The following RBFOX1 variants were observed in gnomAD, a reference collection of about 807,000 sequenced individuals.
The protein encoded by RBFOX1 is RNA binding protein fox-1 homolog 1.
Under a neutral mutation model 57.7 loss-of-function variants are expected in RBFOX1, and 8 were observed. The ratio of observed to expected loss-of-function variants is 0.14; its 90% CI spans 0.08 to 0.25. The LOEUF is 0.25. RBFOX1 is among the 10% of genes least tolerant of loss of function. The pLI, the probability that RBFOX1 is intolerant of heterozygous loss-of-function variation, is 1.00. For missense variants in RBFOX1, 611 were observed against 548.5 expected, an observed-to-expected ratio of 1.11 and a Z score of -1.14; for synonymous variants, 326 against 222.4, an observed-to-expected ratio of 1.47 and a Z score of -4.15.
At position 7,693,462 on chromosome 16, in the gene RBFOX1, C is replaced by A. The variant is rs1347137949; in HGVS notation, c.996-15594C>A. Reference sequence around the variant, plus strand: ...TCTTCACATGCTGCAGTTGGTCACTCTAGAAAGTTTAGTTAAGAAAAAAAA... The same window carrying A: ...TCTTCACATGCTGCAGTTGGTCACTATAGAAAGTTTAGTTAAGAAAAAAAA... On this transcript the variant is annotated intron_variant, in intron 14 of 15. Coordinates refer to ENST00000550418, the MANE Select transcript of RBFOX1 (RefSeq NM_018723.4). The A allele has an allele frequency of 1.7e-4, 153 of 912,802 alleles. No homozygotes were observed. The East Asian group carries it at 3.8e-3, about 23-fold the overall frequency. The allele number at this position is 912,802 out of a possible 1,614,324, so 56.5% of individuals were successfully genotyped here.
chr16:7,685,374 C>A (rs2075844094), intron 14 of RBFOX1, among the ~76,000 whole-genome samples: 1 of 152,124 alleles, frequency 6.6e-6, no homozygotes. Context: ...CCCAGGGCCA[C>A]AATTAATTCT....
chr16:6,974,108 C>A (rs1024766047), intron 3 of RBFOX1, among the ~76,000 whole-genome samples: 49 of 152,136 alleles, frequency 3.2e-4, no homozygotes, highest in African/African-American at 1.2e-3. Context: ...GACATGATCT[C>A]ATTCCTTTTT....
chr16:6,346,530 T>G (rs2085399285), intron 2 of RBFOX1, among the ~76,000 whole-genome samples: 1 of 152,158 alleles, frequency 6.6e-6, no homozygotes. Flanking sequence ...TCAAGGTGCT[T>G]CCCTACCTCA....
Position 6,217,826 on chromosome 16 carries a change from C to T in RBFOX1, c.-126-99169C>T, listed in dbSNP as rs542952050. 3.3e-5 allele frequency among the ~76,000 whole-genome samples: 5 copies of T among 152,096 alleles called. No homozygotes were observed. In the South Asian group the frequency reaches 6.2e-4, roughly 19 times the overall value. ...GACCAAGGGTTTGAGACCAGCCGGGCGAACATGGCAAAACTCTGTATCTAG... is the reference window on the plus strand; with the variant it reads ...GACCAAGGGTTTGAGACCAGCCGGGTGAACATGGCAAAACTCTGTATCTAG... On this transcript the variant is annotated intron_variant, in intron 1 of 15. Transcript: ENST00000550418.
chr16:7,228,775 C>T (rs1445068938), intron 4 of RBFOX1, among the ~76,000 whole-genome samples: 1 of 152,160 alleles, frequency 6.6e-6, no homozygotes, highest in Non-Finnish European at 1.5e-5. Context: ...CCAAGTTTCC[C>T]ATTATAATTT....
intron 1 of RBFOX1, among the ~76,000 whole-genome samples, chr16:6,313,419 C>T (rs2080631071): frequency 6.6e-6 from 1 of 152,094 alleles, no homozygotes; most frequent in African/African-American, 2.4e-5. Context: ...GCATTCATTG[C>T]CTGGGGAAGT....
intron 3 of RBFOX1, among the ~76,000 whole-genome samples, chr16:6,899,341 C>G (rs187695200): frequency 1.4e-4 from 22 of 152,248 alleles, no homozygotes; most frequent in Admixed American, 9.2e-4. Context: ...ATTCCATTTT[C>G]TATTTAGCAT....
At chr16:6,334,689 T>C (rs1417571192) in intron 2 of RBFOX1, among the ~76,000 whole-genome samples, 1 of 152,178 alleles carries the variant, frequency 6.6e-6, no homozygotes, top group Non-Finnish European at 1.5e-5. Flanking sequence ...TTCTTCTTGC[T>C]TGCCAGTTCT....
At chr16:6,999,884 C>T (rs931349925) in intron 3 of RBFOX1, among the ~76,000 whole-genome samples, 5 of 151,928 alleles carry the variant, frequency 3.3e-5, no homozygotes, top group Admixed American at 1.3e-4. Flanking sequence ...GCAGCCTGAG[C>T]AACATGGTGA....
At chr16:7,279,258 C>G (rs1426049616) in intron 4 of RBFOX1, among the ~76,000 whole-genome samples, 1 of 152,010 alleles carries the variant, frequency 6.6e-6, no homozygotes, top group South Asian at 2.1e-4. Flanking sequence ...CTGTTTATAA[C>G]ATGTCACTTG....
intron 3 of RBFOX1, among the ~76,000 whole-genome samples, chr16:6,991,135 C>CAAA: frequency 1.9e-5 from 1 of 52,484 alleles, no homozygotes; most frequent in Non-Finnish European, 3.4e-5. Context: ...AATTGTCTCT[C>CAAA]CAAAAAAAAA....
At chr16:5,556,972 C>A (rs1301656057) in intron 2 of RBFOX1, among the ~76,000 whole-genome samples, 2 of 152,108 alleles carry the variant, frequency 1.3e-5, no homozygotes, top group Non-Finnish European at 2.9e-5. Flanking sequence ...TTTTAAAATT[C>A]TCTGGGACTG....
At chr16:7,260,224 G>A (rs188794785) in intron 4 of RBFOX1, among the ~76,000 whole-genome samples, 10 of 152,288 alleles carry the variant, frequency 6.6e-5, no homozygotes, top group Non-Finnish European at 1.2e-4. Flanking sequence ...TAAAGTTGTT[G>A]CATATAGAAC....
At chr16:5,497,923 G>T (rs1202416023) in intron 2 of RBFOX1, among the ~76,000 whole-genome samples, 1 of 152,202 alleles carries the variant, frequency 6.6e-6, no homozygotes, top group Admixed American at 6.5e-5. Flanking sequence ...ACGCATAAAA[G>T]ATGAGGAAGA....
chr16:6,789,503 A>T (rs1316297614), intron 3 of RBFOX1, among the ~76,000 whole-genome samples: 2 of 152,196 alleles, frequency 1.3e-5, no homozygotes, highest in African/African-American at 4.8e-5. Context: ...TTTCATTCTC[A>T]GTTATTACCT....
chr16:6,183,866 G>A (rs2097086826), intron 1 of RBFOX1, among the ~76,000 whole-genome samples: 1 of 152,132 alleles, frequency 6.6e-6, no homozygotes, highest in South Asian at 2.1e-4. Flanking sequence ...GTCATAGTAT[G>A]GACCTGGGAT....
chr16:7,359,009 T>G (rs2097269395), intron 4 of RBFOX1, among the ~76,000 whole-genome samples: 1 of 152,190 alleles, frequency 6.6e-6, no homozygotes, highest in South Asian at 2.1e-4. Flanking sequence ...AATCTAAGAT[T>G]AGTTGAGTTC....
intron 3 of RBFOX1, among the ~76,000 whole-genome samples, chr16:6,977,158 TCATATATTATC>T (rs1279410484): frequency 9.7e-5 from 14 of 144,696 alleles, no homozygotes; most frequent in East Asian, 4.0e-4. Context: ...ATCATATATA[TCATATATTATC>T]ATATATAGAT....
intron 4 of RBFOX1, among the ~76,000 whole-genome samples, chr16:7,074,135 C>T (rs1465345928): frequency 6.6e-6 from 1 of 152,076 alleles, no homozygotes; most frequent in Non-Finnish European, 1.5e-5. Flanking sequence ...ATGTTTTGTC[C>T]ACTGATTAGG....
Sources: allele counts gnomAD v4.1 joint callset (sites outside exome capture counted in the v4.1 genomes callset), GRCh38; gene constraint gnomAD v4.1.1; transcripts MANE v1.5; gene names NCBI Gene and HGNC (gene_info 2026-07-23, HGNC 2026-07-21).